The following NEBL variants were observed in gnomAD, a reference collection of about 807,000 sequenced individuals.
The protein encoded by NEBL is LIM and SH3 protein 2.
Under a neutral mutation model 140.2 loss-of-function variants are expected in NEBL, and 122 were observed. The ratio of observed to expected loss-of-function variants is 0.87; its 90% CI spans 0.75 to 1.01. The LOEUF (loss-of-function observed/expected upper bound fraction) is 1.01, where lower values mean the gene tolerates loss of function less well. Ranked by LOEUF, NEBL falls within the 50% of genes least tolerant of loss-of-function variation. The probability of loss-of-function intolerance (pLI) is 0.00; values close to 1 mark genes in which losing one functional copy is unlikely to be tolerated. For missense variants in NEBL, 1,365 were observed against 1,231.3 expected (o/e 1.11, Z -1.62); for synonymous variants, 436 against 398.9 (o/e 1.09, Z -1.11).
At chr10:20,899,200 TTA>T (rs1847730887), upstream of NEBL, among the ~76,000 whole-genome samples, 1 of 152,214 alleles carries the variant, frequency 6.6e-6, no homozygotes, top group Non-Finnish European at 1.5e-5. Context: ...TATAGATCTA[TTA>T]CATTATCTTT....
intron 2 of NEBL, chr10:21,171,682 A>C (rs1841081869): frequency 6.5e-6 from 1 of 154,308 alleles, no homozygotes; most frequent in Non-Finnish European, 1.4e-5. Context: ...AGAGCTTGAC[A>C]CACGGTGAGC....
At chr10:20,903,104 A>G (rs73607546) in intron 4 of NEBL, among the ~76,000 whole-genome samples, 2,405 of 152,264 alleles carry the variant, frequency 0.016, 55 homozygotes, top group African/African-American at 0.055. Context: ...AAGCCCCCCA[A>G]TAGAAGCCTG....
intron 4 of NEBL, among the ~76,000 whole-genome samples, chr10:20,945,959 A>G (rs1193178065): frequency 1.3e-5 from 2 of 152,260 alleles, no homozygotes; most frequent in Non-Finnish European, 2.9e-5. Flanking sequence ...TGAAATGAGA[A>G]TAATGACAAG....
chr10:21,016,997 G>A lies in NEBL; in HGVS notation c.249+3120C>T, dbSNP rs537605879. Among the ~76,000 whole-genome samples, 3 of 152,218 alleles carry A rather than the reference G, an allele frequency of 2.0e-5. No individual in the cohort carries two copies. In the South Asian group the frequency reaches 6.2e-4, roughly 32 times the overall value. ...CATACATTGCATCAACCCTTGTATT[G>A]CAATTCTTTGCTTACAGATCTTTTC... On this transcript the variant is annotated intron_variant, in intron 3 of 6. Coordinates refer to the NEBL transcript ENST00000417816.
At chr10:20,862,595 G>A (rs901720185) in intron 7 of NEBL, among the ~76,000 whole-genome samples, 1 of 152,096 alleles carries the variant, frequency 6.6e-6, no homozygotes, top group African/African-American at 2.4e-5. Flanking sequence ...ACCTCCTCAT[G>A]CAGGTTTGCA....
chr10:20,930,685 C>T (rs559688754), intron 4 of NEBL, among the ~76,000 whole-genome samples: 14 of 152,264 alleles, frequency 9.2e-5, no homozygotes, highest in African/African-American at 3.4e-4. Context: ...CCCCTTCTGC[C>T]TTGAGCCTAA....
chr10:21,177,855 G>A (rs1024440905), upstream of NEBL, among the ~76,000 whole-genome samples: 3 of 152,102 alleles, frequency 2.0e-5, no homozygotes, highest in East Asian at 3.9e-4. Context: ...TAAAAGGTGA[G>A]CCGTTAGAAG....
intron 2 of NEBL, chr10:21,146,357 A>G: frequency 6.2e-7 from 1 of 1,612,998 alleles, no homozygotes. Context: ...CATGTCTGGA[A>G]TGTACATTTC....
At chr10:20,826,913 A>C (rs537813149) in intron 17 of NEBL, among the ~76,000 whole-genome samples, 1 of 152,358 alleles carries the variant, frequency 6.6e-6, no homozygotes, top group East Asian at 1.9e-4. Context: ...GTTATCACTG[A>C]ATTCAAAAAG....
At chr10:20,830,780 T>G (rs1840324664) in intron 16 of NEBL, among the ~76,000 whole-genome samples, 1 of 151,372 alleles carries the variant, frequency 6.6e-6, no homozygotes, top group South Asian at 2.1e-4. Context: ...ATCCTTGGGC[T>G]GGGCACAATG....
intron 3 of NEBL, among the ~76,000 whole-genome samples, chr10:21,004,057 T>C (rs190161142): frequency 4.8e-4 from 73 of 152,296 alleles, no homozygotes; most frequent in Admixed American, 4.1e-3. Context: ...AACCTGAAAT[T>C]TTTTCTTATA....
At chr10:21,031,021 C>T (rs764095608) in intron 2 of NEBL, among the ~76,000 whole-genome samples, 3 of 152,174 alleles carry the variant, frequency 2.0e-5, no homozygotes, top group Non-Finnish European at 1.5e-5. Context: ...GTGATGCCCA[C>T]GTGTGCCATA....
intron 4 of NEBL, among the ~76,000 whole-genome samples, chr10:20,886,783 A>G (rs1261552007): frequency 6.6e-6 from 1 of 152,200 alleles, no homozygotes; most frequent in Non-Finnish European, 1.5e-5. Context: ...ACTGACTGGG[A>G]TAAATACACG....
chr10:20,934,660 C>G (rs147042977), intron 4 of NEBL, among the ~76,000 whole-genome samples: 2 of 152,070 alleles, frequency 1.3e-5, no homozygotes, highest in Non-Finnish European at 2.9e-5. Context: ...GGGCCTGGAT[C>G]CCTGAATGAC....
chr10:20,815,791 C>G, intron 21 of NEBL, 74 bp from the exon 22 acceptor site: 1 of 1,090,554 alleles, frequency 9.2e-7, no homozygotes, highest in Non-Finnish European at 1.4e-6. Context: ...TTATTTAAGA[C>G]AGGGTCTTGC....
intron 26 of NEBL, among the ~76,000 whole-genome samples, chr10:20,802,939 C>T (rs561156615): frequency 6.6e-6 from 1 of 152,250 alleles, no homozygotes; most frequent in African/African-American, 2.4e-5. Context: ...ATTCTTATGA[C>T]AGATGCAAAA....
intron 3 of NEBL, among the ~76,000 whole-genome samples, chr10:21,002,234 G>A (rs1837937313): frequency 6.6e-6 from 1 of 151,698 alleles, no homozygotes. Context: ...ACTAACATGA[G>A]TCATAAAAAA....
At chr10:21,049,726 C>T (rs2131849801) in intron 2 of NEBL, among the ~76,000 whole-genome samples, 1 of 152,296 alleles carries the variant, frequency 6.6e-6, no homozygotes, top group Admixed American at 6.5e-5. Context: ...CATGCTTCTC[C>T]CCCTACTGCA....
At chr10:21,100,610 T>A (rs1837437084) in intron 2 of NEBL, among the ~76,000 whole-genome samples, 1 of 152,126 alleles carries the variant, frequency 6.6e-6, no homozygotes, top group Admixed American at 6.6e-5. Flanking sequence ...AGTTCTTCAA[T>A]TTTCTTCCTT....
Sources: gnomAD v4.1 joint callset for allele counts (sites outside exome capture counted in the v4.1 genomes callset) on GRCh38, gnomAD v4.1.1 for gene constraint, MANE v1.5 for transcripts, NCBI Gene and HGNC (gene_info 2026-07-23, HGNC 2026-07-21) for gene names.